Variants in TBATA observed in about 807,000 individuals in gnomAD.
The protein encoded by TBATA is thymus, brain and testes associated, also known as protein TBATA.
In TBATA, 47 loss-of-function variants were observed where a neutral mutation model predicts 38.7. The observed-to-expected ratio is 1.21, with a 90% CI of 0.96 to 1.55. The LOEUF is 1.55. TBATA is among the 40% of genes most tolerant of loss of function. TBATA has a pLI of 0.00. For synonymous variants in TBATA, 183 were observed against 170.5 expected (o/e 1.07, Z -0.57); for missense variants, 436 against 435.6 (o/e 1.00, Z -0.01).
chr10:70,779,762 G>T lies in TBATA; in HGVS notation c.278-20C>A. The T allele has an allele frequency of 6.6e-7, 1 of 1,522,262 alleles. No individual in the cohort carries two copies. Among genetic ancestry groups the T allele is most frequent in the Admixed American group, 2.5e-5 (1 of 39,332 alleles). The allele number at this position is 1,522,262 out of a possible 1,614,324, so 94.3% of individuals were successfully genotyped here. ...TGAGATCTGCAAAGGGTTAGAGGCT[G>T]TGGGAAGGGAGGCTTAGGTGGACCT... On this transcript the variant is annotated intron_variant, in intron 4 of 10. Coordinates refer to ENST00000456372, the MANE Select transcript of TBATA (RefSeq NM_001318241.2).
rs373624773 is a variant in TBATA at position 70,774,298 on chromosome 10, G to T, written c.835C>A (p.Leu279Ile). ...AGCTTTTCTGTAGGGATGGAGACTA[G>T]GGGCTGGGGAAGGAGCTGAGCCACT... ...TAVAQLLPQP[L>I]VSIPTEKLLS... is the part of the protein sequence containing the mutation. The change falls in exon 9 of 11, where the codon CTA becomes ATA. Residue 279 changes from leucine (L) to isoleucine (I), a missense_variant. Transcript: ENST00000456372. 1 of 1,609,412 alleles carries T rather than the reference G, an allele frequency of 6.2e-7. No homozygotes were observed. Among genetic ancestry groups the T allele is most frequent in the Non-Finnish European group, 8.5e-7 (1 of 1,178,592 alleles).
intron 9 of TBATA, 198 bp downstream of exon 9, chr10:70,774,015 G>A (rs1843067506): frequency 1.0e-5 from 3 of 287,796 alleles, no homozygotes; most frequent in Non-Finnish European, 1.6e-5. Flanking sequence ...CAGTTTGGGG[G>A]CTGGTCTGGC....
intron 1 of TBATA, 107 bp downstream of exon 1, chr10:70,785,178 G>C (rs559505672): frequency 6.5e-6 from 1 of 152,732 alleles, no homozygotes; most frequent in Admixed American, 6.5e-5. Context: ...GCCAGGCAGA[G>C]GGGTCTGAGG....
chr10:70,774,129 GC>G (rs1276905407), intron 9 of TBATA, 83 bp downstream of exon 9: 1 of 1,550,154 alleles, frequency 6.5e-7, no homozygotes, highest in African/African-American at 1.3e-5. Context: ...CCTGGTCAGC[GC>G]CAGGCTCCCT....
chr10:70,780,337 C>T (rs542627331), intron 4 of TBATA, among the ~76,000 whole-genome samples: 26 of 152,208 alleles, frequency 1.7e-4, no homozygotes, highest in African/African-American at 6.0e-4. Flanking sequence ...GCTTGAAGAT[C>T]GGCCTGGCAA....
chr10:70,778,659 T>C (rs377694740), intron 5 of TBATA, 23 bp from the exon 6 acceptor site: 8 of 1,612,206 alleles, frequency 5.0e-6, no homozygotes, highest in Non-Finnish European at 6.8e-6. Context: ...GACAAGGTCC[T>C]GCCAACTGAA....
At chr10:70,779,384 G>A (rs1242618654) in intron 5 of TBATA, among the ~76,000 whole-genome samples, 1 of 152,202 alleles carries the variant, frequency 6.6e-6, no homozygotes, top group Admixed American at 6.5e-5. Flanking sequence ...CCAAGCAGGG[G>A]TGCATTTCTG....
At chr10:70,782,363 A>G in intron 3 of TBATA, 1 of 1,366,692 alleles carries the variant, frequency 7.3e-7, no homozygotes, top group Non-Finnish European at 9.6e-7. Flanking sequence ...CTACTCATCA[A>G]AATACCCAGG....
At chr10:70,781,271 T>C (rs933079918) in intron 4 of TBATA, among the ~76,000 whole-genome samples, 1 of 152,240 alleles carries the variant, frequency 6.6e-6, no homozygotes. Flanking sequence ...TGGCCATGTC[T>C]TCTGTGACCA....
intron 9 of TBATA, among the ~76,000 whole-genome samples, chr10:70,773,203 C>T (rs765122370): frequency 6.6e-6 from 1 of 152,088 alleles, no homozygotes; most frequent in Non-Finnish European, 1.5e-5. Context: ...AGTCCAAGGC[C>T]TTGCAAGAAC....
chr10:70,778,775 G>A (rs771761418), intron 5 of TBATA, 139 bp from the exon 6 acceptor site: 151 of 780,186 alleles, frequency 1.9e-4, no homozygotes, highest in Non-Finnish European at 2.9e-4. Context: ...GGGAGGCGGT[G>A]CCCTGGAGGG....
rs543822075 is a variant in TBATA, at chr10:70,782,661, T to C, written c.42-625A>G. The C allele has an allele frequency of 1.9e-5, 19 of 985,384 alleles. No homozygotes were observed. The East Asian group carries it at 2.2e-3, about 112-fold the overall frequency. The allele number at this position is 985,384 out of a possible 1,614,324, so 61.0% of individuals were successfully genotyped here. A position where few individuals can be genotyped will look rare whatever the true frequency, so the allele number is the denominator to read the frequency against. On this transcript the variant is annotated intron_variant, in intron 3 of 10. Coordinates refer to ENST00000456372, the MANE Select transcript of TBATA (RefSeq NM_001318241.2). ...GCTGAGGGAAGCTTCAAGCTCTGTT[T>C]TGCTTTGCTGGAGACAAGCCAGCTT...
chr10:70,775,824 C>T (rs975686989), intron 7 of TBATA, among the ~76,000 whole-genome samples: 1 of 152,186 alleles, frequency 6.6e-6, no homozygotes, highest in Non-Finnish European at 1.5e-5. Context: ...GGCGGGGCAG[C>T]ACAGGCCGGT....
At chr10:70,777,658 G>A (rs570938231) in intron 6 of TBATA, 20 of 410,592 alleles carry the variant, frequency 4.9e-5, no homozygotes, top group African/African-American at 2.9e-4. Flanking sequence ...GGATGCCCGC[G>A]GGTGGTTCTC....
At position 70,775,509 on chromosome 10, in the gene TBATA, G is replaced by A. The variant is rs1348483473; in HGVS notation, c.694-239C>T. On this transcript the variant is annotated intron_variant, in intron 7 of 10. Transcript: ENST00000456372. ...AAGATTCTTAATCTTCCTGCTGGAC[G>A]GGTGGAGAATCCGAGGCCCTGAGAG... is the stretch of plus-strand genomic sequence containing the variant. Among the ~76,000 whole-genome samples the A allele has an allele frequency of 2.0e-5, 3 of 152,176 alleles. No homozygotes were observed. In the South Asian group the frequency reaches 6.2e-4, roughly 32 times the overall value.
At chr10:70,785,258 C>T (rs1023905952) in intron 1 of TBATA, 27 bp downstream of exon 1, 2 of 152,338 alleles carry the variant, frequency 1.3e-5, no homozygotes, top group African/African-American at 2.4e-5. Context: ...GGGTCCATCT[C>T]CTCTCCCGAG....
intron 4 of TBATA, among the ~76,000 whole-genome samples, chr10:70,780,406 C>T (rs1354106313): frequency 3.3e-5 from 5 of 152,088 alleles, no homozygotes; most frequent in Non-Finnish European, 5.9e-5. Context: ...GCCAGGACTC[C>T]TCACTCTTGT....
At chr10:70,783,002 T>C (rs1844449756) in intron 3 of TBATA, among the ~76,000 whole-genome samples, 1 of 152,208 alleles carries the variant, frequency 6.6e-6, no homozygotes. Flanking sequence ...CTTAAAGAAA[T>C]AAAGCAAACC....
intron 6 of TBATA, among the ~76,000 whole-genome samples, chr10:70,778,301 G>A (rs1304804940): frequency 6.6e-6 from 1 of 152,018 alleles, no homozygotes; most frequent in Non-Finnish European, 1.5e-5. Flanking sequence ...GCCTCTGCTC[G>A]GAACTCCTCA....
Sources: allele counts gnomAD v4.1 joint callset (sites outside exome capture counted in the v4.1 genomes callset), GRCh38; gene constraint gnomAD v4.1.1; transcripts MANE v1.5; gene names NCBI Gene and HGNC (gene_info 2026-07-23, HGNC 2026-07-21).